The following HTT variants were observed in gnomAD, a reference collection of about 807,000 sequenced individuals.
HTT encodes the protein huntington disease protein.
A neutral mutation model predicts 362.3 loss-of-function variants in HTT; 104 were observed. That is an observed-to-expected ratio of 0.29 (90% CI 0.24 to 0.34). The LOEUF is 0.34. Among genes scored for constraint, HTT ranks in the 10% least tolerant of loss-of-function variants. The probability of loss-of-function intolerance (pLI) is 1.00; values close to 1 mark genes in which losing one functional copy is unlikely to be tolerated. For synonymous variants in HTT, 1,577 were observed against 1,548.7 expected (o/e 1.02, Z -0.43); for missense variants, 3,301 against 3,928.6 (o/e 0.84, Z 4.27).
chr4:3,236,301 T>G, intron 64 of HTT, 47 bp downstream of exon 64: 1 of 1,349,736 alleles, frequency 7.4e-7, no homozygotes, highest in Non-Finnish European at 1.1e-6. Flanking sequence ...CCCTAGAACT[T>G]TGGCCTGAAG....
rs363096 is a variant in HTT at position 3,178,294 on chromosome 4, T to C, written c.4464-4T>C. 898,305 of 1,587,628 alleles carry C rather than the reference T, an allele frequency of 0.57. 257,909 individuals carry two copies. The highest frequency in any genetic ancestry group is 0.68 in the African/African-American group (50,689 of 74,244). On this transcript the variant is annotated splice_polypyrimidine_tract_variant and splice_region_variant and intron_variant, in intron 34 of 66. Transcript: ENST00000355072. ...AAGGTCTAAATGGATGTTTTTGTTT[T>C]TAGGGAATCAGAGGCAATCATTCCA...
In HTT at chr4:3,127,338, G is replaced by T; in HGVS notation, c.1477G>T (p.Asp493Tyr). ...GVSTPGSAGH[D>Y]IITEQPRSQH... Reference sequence around the variant, plus strand: ...TTCCACTCCAGGGTCAGCAGGTCATGACATCATCACAGAACAGCCACGGTC... The same window carrying T: ...TTCCACTCCAGGGTCAGCAGGTCATTACATCATCACAGAACAGCCACGGTC... Residue 493 changes from aspartate (D) to tyrosine (Y), a missense_variant, in exon 12 of 67, where the codon GAC (aspartate) becomes TAC (tyrosine). This residue lies in a region of HTT where 2,316 missense variants were observed against 2,658.5 expected (regional missense o/e 0.87). Coordinates refer to ENST00000355072, the MANE Select transcript of HTT (RefSeq NM_001388492.1). 6.2e-7 allele frequency: 1 copy of T among 1,614,222 alleles called. No individual in the cohort carries two copies. Among genetic ancestry groups the T allele is most frequent in the Non-Finnish European group, 8.5e-7 (1 of 1,180,030 alleles).
chr4:3,075,607 G>T (rs1157964136), intron 1 of HTT, among the ~76,000 whole-genome samples: 1 of 130,890 alleles, frequency 7.6e-6, no homozygotes, highest in Non-Finnish European at 1.6e-5. Flanking sequence ...GGCAGTGGAT[G>T]ACATAATGCT....
In HTT at chr4:3,186,694, G is replaced by A. The variant is rs745321328; in HGVS notation, c.4964G>A (p.Ser1655Asn). The A allele has an allele frequency of 1.1e-5, 17 of 1,613,694 alleles. No individual in the cohort carries two copies. Among genetic ancestry groups the A allele is most frequent in the African/African-American group, 1.3e-5 (1 of 74,892 alleles). The change falls in exon 38 of 67, where the codon AGT becomes AAT. Residue 1655 changes from serine to asparagine, a missense_variant. By Grantham distance (46) the Ser-to-Asn change is conservative. Coordinates refer to ENST00000355072, the MANE Select transcript of HTT (RefSeq NM_001388492.1). Reference protein sequence around the residue: ...SLRPVDMLLRSMFVTPNTMAS... With the variant: ...SLRPVDMLLRNMFVTPNTMAS... ...CGTCCGGTAGACATGCTTTTACGGA[G>A]TATGTTCGTCACTCCAAACACAATG...
rs921714425 is a variant in HTT at position 3,182,344 on chromosome 4, G to A, written c.4750-10G>A. ...GGCAGCAGACTTTCTAATTGTGCACGCTCTTATAGGTGTTGGAGATGTTCA... is the reference window on the plus strand; with the variant it reads ...GGCAGCAGACTTTCTAATTGTGCACACTCTTATAGGTGTTGGAGATGTTCA... On this transcript the variant is annotated splice_polypyrimidine_tract_variant and intron_variant, in intron 36 of 66. Coordinates refer to ENST00000355072, the MANE Select transcript of HTT (RefSeq NM_001388492.1). The A allele has an allele frequency of 7.6e-6, 12 of 1,577,974 alleles. No individual in the cohort carries two copies. The highest frequency in any genetic ancestry group is 3.3e-5 in the Admixed American group (2 of 59,754).
At chr4:3,115,951 C>A in intron 7 of HTT, 134 bp from the exon 8 acceptor site, 1 of 792,340 alleles carries the variant, frequency 1.3e-6, no homozygotes, top group Non-Finnish European at 2.1e-6. Context: ...TCCCAGTGGG[C>A]CTCATGGCGT....
At chr4:3,143,191 C>T (rs1017882726) in intron 23 of HTT, among the ~76,000 whole-genome samples, 5 of 152,124 alleles carry the variant, frequency 3.3e-5, no homozygotes, top group African/African-American at 1.2e-4. Flanking sequence ...AATCCCAGCA[C>T]TTTGGGAGGC....
chr4:3,206,960 A>G lies in HTT; in HGVS notation c.6052A>G (p.Met2018Val). 6.2e-7 allele frequency: 1 copy of G among 1,610,942 alleles called. No homozygotes were observed. Among genetic ancestry groups the G allele is most frequent in the Non-Finnish European group, 8.5e-7 (1 of 1,179,108 alleles). ...VDILACRRVEMLLAANLQSSM... is the reference protein window; with the variant it reads ...VDILACRRVEVLLAANLQSSM... ...CATCCTTGCTTGTCGCCGGGTAGAA[A>G]TGCTTCTGGCTGCAAATTTACAGGT... Residue 2018 changes from methionine (M) to valine (V), a missense_variant, in exon 44 of 67, where the codon ATG becomes GTG. Met to Val is a conservative substitution (Grantham distance 21). This residue lies in a region of HTT where 2,316 missense variants were observed against 2,658.5 expected (regional missense o/e 0.87). Coordinates refer to ENST00000355072, the MANE Select transcript of HTT (RefSeq NM_001388492.1). This position sits in a 1 kb window ranked among gnomAD's most constrained non-coding sequence, Gnocchi z 4.6.
intron 2 of HTT, among the ~76,000 whole-genome samples, chr4:3,088,772 C>A (rs1415297947): frequency 6.6e-6 from 1 of 151,728 alleles, no homozygotes; most frequent in Non-Finnish European, 1.5e-5. Flanking sequence ...ATTTTTAATG[C>A]CTCTGTGCAT....
At chr4:3,102,479 A>G (rs1418160889) in intron 3 of HTT, among the ~76,000 whole-genome samples, 2 of 152,240 alleles carry the variant, frequency 1.3e-5, no homozygotes, top group East Asian at 1.9e-4. Context: ...CGCTTTGCTC[A>G]TTTAAGGACT....
chr4:3,132,911 G>A lies in HTT; in HGVS notation c.2493G>A (p.Arg831=). The part of the protein sequence containing the change: ...VTCKLACTAV[R]NCVMSLCSSS... ...GCAAGTTAGCTTGTACAGCTGTGAG[G>A]GTGAGCATAATCTTCTGTGGAACCA... Residue 831 remains arginine, a splice_region_variant and synonymous_variant, in exon 18 of 67, where the codon AGG becomes AGA. Transcript: ENST00000355072. 1 of 1,602,414 alleles carries A rather than the reference G, an allele frequency of 6.2e-7. No homozygotes were observed. The highest frequency in any genetic ancestry group is 8.6e-7 in the Non-Finnish European group (1 of 1,169,442).
intron 29 of HTT, among the ~76,000 whole-genome samples, chr4:3,165,373 C>G (rs1014376265): frequency 3.3e-5 from 5 of 152,222 alleles, no homozygotes; most frequent in Non-Finnish European, 7.3e-5. Context: ...CTTGGTGGAT[C>G]TGATGATTAT....
intron 2 of HTT, among the ~76,000 whole-genome samples, chr4:3,094,084 C>T (rs1713680598): frequency 6.6e-6 from 1 of 151,718 alleles, no homozygotes; most frequent in Non-Finnish European, 1.5e-5. Flanking sequence ...GTGTTTGTGT[C>T]CCTGGGTACT....
chr4:3,132,114 G>C (rs555280361), intron 16 of HTT, among the ~76,000 whole-genome samples: 1 of 152,350 alleles, frequency 6.6e-6, no homozygotes, highest in African/African-American at 2.4e-5. Context: ...GGGTGAGTGG[G>C]AACCAGGACT....
intron 60 of HTT, among the ~76,000 whole-genome samples, chr4:3,231,940 T>C (rs1227310304): frequency 6.6e-6 from 1 of 152,204 alleles, no homozygotes; most frequent in African/African-American, 2.4e-5. Flanking sequence ...CCCAGCTCTT[T>C]GTGCACTCAT....
rs1720504061 is a variant in HTT at position 3,218,181 on chromosome 4, C to CAGGG, written c.7242+229_7242+230insAGGG. On this transcript the variant is annotated intron_variant, in intron 52 of 66. Coordinates refer to ENST00000355072, the MANE Select transcript of HTT (RefSeq NM_001388492.1). This position sits in a 1 kb window ranked among gnomAD's most constrained non-coding sequence, Gnocchi z 4.4. ...TCTAAAATGAACTGAGGCCCTACATCCCTAAGAGATTAGTGTTAGACCTGA... is the reference window on the plus strand; with the variant it reads ...TCTAAAATGAACTGAGGCCCTACATCAGGGCCTAAGAGATTAGTGTTAGACCTGA... Among the ~76,000 whole-genome samples, 1 of 152,212 alleles carries CAGGG rather than the reference C, an allele frequency of 6.6e-6. No homozygotes were observed. Among genetic ancestry groups the CAGGG allele is most frequent in the Non-Finnish European group, 1.5e-5 (1 of 68,036 alleles).
At position 3,233,226 on chromosome 4, in the gene HTT, C is replaced by T. The variant is rs766192291; in HGVS notation, c.8329C>T (p.Pro2777Ser). The T allele has an allele frequency of 7.5e-6, 12 of 1,604,986 alleles. No homozygotes were observed. Among genetic ancestry groups the T allele is most frequent in the Non-Finnish European group, 1.0e-5 (12 of 1,173,058 alleles). ...LESTLRSSHLPSRVGALHGVL... is the reference protein window; with the variant it reads ...LESTLRSSHLSSRVGALHGVL... ...GAGCACGCTCAGGAGCAGCCACCTG[C>T]CCAGCAGGGTTGGAGCCCTGCACGG... The change falls in exon 61 of 67, where the codon CCC (proline) becomes TCC (serine). Residue 2777 changes from proline to serine, a missense_variant. This residue lies in a region of HTT where 753 missense variants were observed against 1,021.3 expected (regional missense o/e 0.74). Coordinates refer to ENST00000355072, the MANE Select transcript of HTT (RefSeq NM_001388492.1).
intron 6 of HTT, among the ~76,000 whole-genome samples, chr4:3,108,948 T>C (rs1714577550): frequency 6.6e-6 from 1 of 151,866 alleles, no homozygotes; most frequent in African/African-American, 2.4e-5. Flanking sequence ...CTCAGGAGGC[T>C]GAGACAGGAG....
chr4:3,217,938 C>T lies in HTT; in HGVS notation c.7228C>T (p.Arg2410Cys). The change falls in exon 52 of 67, where the codon CGT (arginine) becomes TGT (cysteine). Residue 2410 changes from arginine to cysteine, a missense_variant. Physicochemically the swap from Arg to Cys is radical, Grantham distance 180. Coordinates refer to ENST00000355072, the MANE Select transcript of HTT (RefSeq NM_001388492.1). ...ARLPLVNSYT[R>C]VPPLVWKLGW... ...CCTGCCCCTTGTCAACAGCTACACA[C>T]GTGTGCCCCCACTGGTGAGTCTGCT... The T allele has an allele frequency of 1.2e-6, 2 of 1,610,256 alleles. No homozygotes were observed. The highest frequency in any genetic ancestry group is 1.7e-6 in the Non-Finnish European group (2 of 1,178,688).
Sources: gnomAD v4.1 joint callset for allele counts (sites outside exome capture counted in the v4.1 genomes callset) on GRCh38, gnomAD v4.1.1 for gene constraint, gnomAD v4.1.1 regional missense constraint, Gnocchi (gnomAD v3.1) non-coding constraint, MANE v1.5 for transcripts, NCBI Gene and HGNC (gene_info 2026-07-23, HGNC 2026-07-21) for gene names.